NPAT: variants seen among roughly 807,000 people sequenced by gnomAD.
NPAT encodes the protein nuclear protein, coactivator of histone transcription.
Under a neutral mutation model 130.7 loss-of-function variants are expected in NPAT, and 52 were observed. The ratio of observed to expected loss-of-function variants is 0.40; its 90% confidence interval spans 0.32 to 0.50. The LOEUF is 0.50. NPAT is among the 20% of genes least tolerant of loss of function. NPAT has a pLI of 0.68. For synonymous variants in NPAT, 580 were observed against 584.8 expected, an observed-to-expected ratio of 0.99 and a Z score of 0.12; for missense variants, 1,687 against 1,662.6, an observed-to-expected ratio of 1.01 and a Z score of -0.26.
intron 1 of NPAT, among the ~76,000 whole-genome samples, chr11:108,204,859 A>C (rs1313233233): frequency 6.6e-6 from 1 of 152,376 alleles, no homozygotes; most frequent in East Asian, 1.9e-4. Flanking sequence ...ACAGAGTCTC[A>C]GAGACCTAAG....
intron 1 of NPAT, among the ~76,000 whole-genome samples, chr11:108,207,458 T>C (rs1027818711): frequency 1.3e-5 from 2 of 152,210 alleles, no homozygotes; most frequent in African/African-American, 4.8e-5. Flanking sequence ...CTTAGGCTGT[T>C]CATGCCAAGG....
chr11:108,187,281 A>G, intron 7 of NPAT, among the ~76,000 whole-genome samples: 1 of 152,150 alleles, frequency 6.6e-6, no homozygotes, highest in East Asian at 1.9e-4. Context: ...TGAGACCCCC[A>G]TCTCTACAAA....
At chr11:108,199,020 G>C (rs535295523) in intron 1 of NPAT, among the ~76,000 whole-genome samples, 58 of 152,342 alleles carry the variant, frequency 3.8e-4, no homozygotes, top group Admixed American at 2.2e-3. Flanking sequence ...GGCTGGGCCA[G>C]CCCAGGACTG....
In NPAT at chr11:108,222,491, C is replaced by A. The variant is rs1396966381; in HGVS notation, c.37+9G>T. 1 of 1,613,460 alleles carries A rather than the reference C, an allele frequency of 6.2e-7. No homozygotes were observed. Among genetic ancestry groups the A allele is most frequent in the Non-Finnish European group, 8.5e-7 (1 of 1,179,774 alleles). ...GTCCAATAACCCTCCATCCCGCGTC[C>A]GCGCTTACCCAATACAAGCCGGGCT... On this transcript the variant is annotated intron_variant, in intron 1 of 17. Coordinates refer to ENST00000278612, the MANE Select transcript of NPAT (RefSeq NM_002519.3).
chr11:108,189,869 C>CAA (rs754180914), intron 5 of NPAT, among the ~76,000 whole-genome samples: 15 of 59,254 alleles, frequency 2.5e-4, no homozygotes, highest in African/African-American at 4.6e-4. Flanking sequence ...GACTCCGTCT[C>CAA]AAAAAAAAAA....
chr11:108,185,303 G>A lies in NPAT; in HGVS notation c.835C>T (p.Gln279Ter). Residue 279 changes from glutamine (Q) to a stop codon, truncating the protein, a stop_gained, in exon 10 of 18, where the codon CAA (glutamine) becomes TAA (stop). Transcript: ENST00000278612. LOFTEE classifies it high-confidence loss of function. ...KFLTSDNNIA[Q>*]VPKQTDNNPT... ...TTGTTATCTGTTTGCTTAGGTACTT[G>A]GGCAATATTGTTATCACTGTTAATA... 1.9e-6 allele frequency: 3 copies of A among 1,610,276 alleles called. No homozygotes were observed. Among genetic ancestry groups the A allele is most frequent in the Non-Finnish European group, 2.5e-6 (3 of 1,177,390 alleles).
chr11:108,215,699 C>T (rs750385444), intron 1 of NPAT, among the ~76,000 whole-genome samples: 4 of 152,172 alleles, frequency 2.6e-5, no homozygotes, highest in Non-Finnish European at 4.4e-5. Context: ...ATGGTCATCT[C>T]GTTACAGGCA....
chr11:108,172,438 T>C lies in NPAT; in HGVS notation c.2546A>G (p.Tyr849Cys). The C allele has an allele frequency of 1.9e-6, 3 of 1,614,170 alleles. No individual in the cohort carries two copies. Among genetic ancestry groups the C allele is most frequent in the Non-Finnish European group, 2.5e-6 (3 of 1,180,004 alleles). The change falls in exon 13 of 18, where the codon TAT (tyrosine) becomes TGT (cysteine). Residue 849 changes from tyrosine to cysteine, a missense_variant. Coordinates refer to ENST00000278612, the MANE Select transcript of NPAT (RefSeq NM_002519.3). ...VTPCVSKDGG[Y>C]IQLMPATSTA... The stretch of plus-strand genomic sequence containing the variant: ...GCTTGTGGCTGGCATCAACTGTATA[T>C]ATCCTCCATCCTTGGAAACACATGG...
intron 4 of NPAT, among the ~76,000 whole-genome samples, chr11:108,191,762 G>C (rs1008515956): frequency 6.6e-6 from 1 of 152,122 alleles, no homozygotes; most frequent in East Asian, 1.9e-4. Flanking sequence ...AGTGGGCATG[G>C]GTTCAACGCA....
chr11:108,161,899 C>T lies in NPAT; in HGVS notation c.3187G>A (p.Val1063Ile). 2 of 1,613,522 alleles carry T rather than the reference C, an allele frequency of 1.2e-6. No individual in the cohort carries two copies. The highest frequency in any genetic ancestry group is 1.7e-4 in the Middle Eastern group (1 of 6,054). Reference protein sequence around the residue: ...VPAAKPCHRRVLCFDSTTAPV... With the variant: ...VPAAKPCHRRILCFDSTTAPV... ...GCAGTAGTGCTGTCGAAACAGAGTA[C>T]ACGTCTGTGGCATGGTTTAGCAGCT... Residue 1063 changes from valine to isoleucine, a missense_variant, in exon 17 of 18, where the codon GTA becomes ATA. Val to Ile is a conservative substitution (Grantham distance 29). Transcript: ENST00000278612.
At chr11:108,198,993 A>C (rs2078249676) in intron 1 of NPAT, among the ~76,000 whole-genome samples, 1 of 152,160 alleles carries the variant, frequency 6.6e-6, no homozygotes, top group Non-Finnish European at 1.5e-5. Context: ...CAGCTACCCA[A>C]CAGGAAGCAG....
intron 1 of NPAT, among the ~76,000 whole-genome samples, chr11:108,210,250 A>T: frequency 6.6e-6 from 1 of 152,160 alleles, no homozygotes; most frequent in Non-Finnish European, 1.5e-5. Flanking sequence ...ACCCTCATGT[A>T]GTTTAGATGT....
intron 1 of NPAT, among the ~76,000 whole-genome samples, chr11:108,217,375 T>G (rs746304181): frequency 6.6e-6 from 1 of 152,170 alleles, no homozygotes; most frequent in Admixed American, 6.5e-5. Context: ...TGTTTAATAT[T>G]AGAAGTGTTT....
Position 108,172,342 on chromosome 11 carries a change from G to C in NPAT, c.2642C>G (p.Ser881Cys). The C allele has an allele frequency of 1.2e-6, 2 of 1,614,220 alleles. No individual in the cohort carries two copies. Among genetic ancestry groups the C allele is most frequent in the Non-Finnish European group, 1.7e-6 (2 of 1,180,046 alleles). Residue 881 changes from serine (S) to cysteine (C), a missense_variant, in exon 13 of 18, where the codon TCT becomes TGT. Transcript: ENST00000278612. ...CACCACTACATTAGACTGACTTACAGATGTTCCTAACGCTGTTGGATCAGT... is the reference window on the plus strand; with the variant it reads ...CACCACTACATTAGACTGACTTACACATGTTCCTAACGCTGTTGGATCAGT... The part of the protein sequence containing the change: ...CVTDPTALGT[S>C]VSQSNVVVLP...
Position 108,190,707 on chromosome 11 carries a change from A to T in NPAT, c.291-207T>A, listed in dbSNP as rs563075534. 2.6e-5 allele frequency among the ~76,000 whole-genome samples: 4 copies of T among 152,332 alleles called. No individual in the cohort carries two copies. In the South Asian group the frequency reaches 8.3e-4, roughly 32 times the overall value. On this transcript the variant is annotated intron_variant, in intron 4 of 17. Coordinates refer to ENST00000278612, the MANE Select transcript of NPAT (RefSeq NM_002519.3). ...ATAGTGGCATGTAGACACACTCACA[A>T]CACACATAATTTTCATTAAGAAGTT...
chr11:108,186,257 T>C (rs2078107295), intron 8 of NPAT, among the ~76,000 whole-genome samples: 1 of 152,158 alleles, frequency 6.6e-6, no homozygotes, highest in African/African-American at 2.4e-5. Context: ...GCTCAAGCAA[T>C]CTGCCCACCT....
chr11:108,169,640 G>T, intron 15 of NPAT, 104 bp downstream of exon 15: 2 of 851,392 alleles, frequency 2.3e-6, no homozygotes, highest in Non-Finnish European at 4.0e-6. Context: ...GTGATCACTT[G>T]TTTTAAAATG....
rs2078212949 is a variant in NPAT, at chr11:108,195,684, G to C, written c.156+1618C>G. ...ACTCTGTCACCCAGGCTGAAGTGCAGCCGTGCAGTTGTGGCTCACAACAGC... is the reference window on the plus strand; with the variant it reads ...ACTCTGTCACCCAGGCTGAAGTGCACCCGTGCAGTTGTGGCTCACAACAGC... On this transcript the variant is annotated intron_variant, in intron 2 of 17. Coordinates refer to ENST00000278612, the MANE Select transcript of NPAT (RefSeq NM_002519.3). Among the ~76,000 whole-genome samples, 2 of 151,994 alleles carry C rather than the reference G, an allele frequency of 1.3e-5. 1 individual carries two copies. Among genetic ancestry groups the C allele is most frequent in the South Asian group, 4.1e-4 (2 of 4,830 alleles).
At position 108,177,060 on chromosome 11, in the gene NPAT, G is replaced by T; in HGVS notation, c.937C>A (p.Gln313Lys). The change falls in exon 11 of 18, where the codon CAG (glutamine) becomes AAG (lysine). Residue 313 changes from glutamine (Q) to lysine (K), a missense_variant. Transcript: ENST00000278612. ...SEIHMSEEAIQDILEQTESDP... is the reference protein window; with the variant it reads ...SEIHMSEEAIKDILEQTESDP... ...GATTCTGTCTGTTCCAATATGTCCT[G>T]TATAGCTTCTTCAGACATGTGAATT... 3 of 1,612,700 alleles carry T rather than the reference G, an allele frequency of 1.9e-6. No homozygotes were observed. The highest frequency in any genetic ancestry group is 2.5e-6 in the Non-Finnish European group (3 of 1,178,980).
Sources: gnomAD v4.1 joint callset for allele counts (sites outside exome capture counted in the v4.1 genomes callset) on GRCh38, gnomAD v4.1.1 for gene constraint, MANE v1.5 for transcripts, NCBI Gene and HGNC (gene_info 2026-07-23, HGNC 2026-07-21) for gene names.